Variants in CAPSL observed in about 807,000 individuals in gnomAD.
CAPSL encodes calcyphosin-like protein.
A neutral mutation model predicts 21.3 loss-of-function variants in CAPSL; 17 were observed. That is an observed-to-expected ratio of 0.80 (90% CI 0.55 to 1.20). The LOEUF (loss-of-function observed/expected upper bound fraction) is 1.20, where lower values mean the gene tolerates loss of function less well. Ranked by LOEUF, CAPSL falls within the 50% of genes most tolerant of loss-of-function variation. The pLI is 0.00. For missense variants in CAPSL, 289 were observed against 259.3 expected, an observed-to-expected ratio of 1.11 and a Z score of -0.79; for synonymous variants, 102 against 89.3, an observed-to-expected ratio of 1.14 and a Z score of -0.80.
chr5:35,916,283 A>T (rs1738383052), intron 2 of CAPSL, among the ~76,000 whole-genome samples: 1 of 152,092 alleles, frequency 6.6e-6, no homozygotes, highest in South Asian at 2.1e-4. Context: ...AAATGGCCAT[A>T]CTGCCCAAGG....
At chr5:35,909,754 A>G (rs541317587) in intron 4 of CAPSL, 112 bp downstream of exon 4, 1 of 918,042 alleles carries the variant, frequency 1.1e-6, no homozygotes, top group South Asian at 1.7e-5. Flanking sequence ...GTTTACTTCT[A>G]TTTACAACAA....
intron 1 of CAPSL, among the ~76,000 whole-genome samples, chr5:35,932,453 T>C (rs989598250): frequency 2.0e-5 from 3 of 152,166 alleles, no homozygotes; most frequent in African/African-American, 7.2e-5. Flanking sequence ...AAGGATGCTC[T>C]TCCCAGCGAA....
chr5:35,908,109 T>G (rs1738077387), intron 4 of CAPSL, among the ~76,000 whole-genome samples: 1 of 152,230 alleles, frequency 6.6e-6, no homozygotes. Context: ...GTGTATATTA[T>G]ATTTAGTAAT....
Position 35,936,477 on chromosome 5 carries a change from C to T in CAPSL, c.-1+2064G>A, listed in dbSNP as rs534607202. On this transcript the variant is annotated intron_variant, in intron 1 of 4. Transcript: ENST00000651391. ...ACTTTCTCATGCCCCATTCATACTTCGGTCCATTTCAATATGGTCTTCACC... is the reference window on the plus strand; with the variant it reads ...ACTTTCTCATGCCCCATTCATACTTTGGTCCATTTCAATATGGTCTTCACC... Among the ~76,000 whole-genome samples, 88 of 152,314 alleles carry T rather than the reference C, an allele frequency of 5.8e-4. 1 individual carries two copies. The highest frequency in any genetic ancestry group is 3.4e-3 in the Middle Eastern group (1 of 294).
intron 1 of CAPSL, 28 bp from the exon 2 acceptor site, chr5:35,921,148 A>G: frequency 6.2e-7 from 1 of 1,611,912 alleles, no homozygotes; most frequent in East Asian, 2.2e-5. Flanking sequence ...CATGTTAGCA[A>G]AGTCCAGGCC....
At chr5:35,904,699 A>G (rs1760637767) in intron 4 of CAPSL, 53 bp from the exon 5 acceptor site, 5 of 1,607,204 alleles carry the variant, frequency 3.1e-6, no homozygotes, top group East Asian at 2.2e-5. Flanking sequence ...CACTCTGTCA[A>G]TGGGCGCCCA....
intron 1 of CAPSL, among the ~76,000 whole-genome samples, chr5:35,938,143 C>T (rs748164787): frequency 9.9e-5 from 15 of 152,178 alleles, no homozygotes; most frequent in Non-Finnish European, 1.8e-4. Context: ...TGTTTTATTG[C>T]TTTGTGACTT....
At chr5:35,909,726 A>T in intron 4 of CAPSL, 140 bp downstream of exon 4, 1 of 741,942 alleles carries the variant, frequency 1.3e-6, no homozygotes, top group Non-Finnish European at 2.2e-6. Context: ...AAGTTTCTAG[A>T]TTGTTCCTAG....
intron 1 of CAPSL, among the ~76,000 whole-genome samples, chr5:35,936,254 C>T (rs1380199655): frequency 6.6e-6 from 1 of 152,002 alleles, no homozygotes; most frequent in African/African-American, 2.4e-5. Context: ...TGAACTTCCT[C>T]CCATCTAAGG....
At chr5:35,922,733 CT>C (rs989098417) in intron 1 of CAPSL, among the ~76,000 whole-genome samples, 51 of 152,314 alleles carry the variant, frequency 3.3e-4, no homozygotes, top group African/African-American at 1.1e-3. Flanking sequence ...TTCCTGGCAG[CT>C]TTAGCTTTCT....
intron 2 of CAPSL, among the ~76,000 whole-genome samples, chr5:35,911,758 C>T (rs1738229011): frequency 6.6e-6 from 1 of 152,182 alleles, no homozygotes; most frequent in Admixed American, 6.5e-5. Context: ...AGCAAGATGG[C>T]CAAATAGGAA....
chr5:35,905,259 T>C (rs1760649921), intron 4 of CAPSL, among the ~76,000 whole-genome samples: 1 of 152,216 alleles, frequency 6.6e-6, no homozygotes, highest in South Asian at 2.1e-4. Flanking sequence ...TTGACTAATG[T>C]GTTTATCTGT....
At chr5:35,905,393 G>A (rs1470581395) in intron 4 of CAPSL, among the ~76,000 whole-genome samples, 3 of 152,116 alleles carry the variant, frequency 2.0e-5, no homozygotes, top group African/African-American at 7.2e-5. Flanking sequence ...ATCGGTTGGG[G>A]ACATACCTAT....
At chr5:35,920,651 G>A (rs149087272) in intron 2 of CAPSL, among the ~76,000 whole-genome samples, 3 of 152,222 alleles carry the variant, frequency 2.0e-5, no homozygotes, top group East Asian at 3.9e-4. Flanking sequence ...TTCCACCCTG[G>A]CCTTTATTAT....
chr5:35,925,289 G>A (rs757455223), intron 1 of CAPSL, among the ~76,000 whole-genome samples: 5 of 152,236 alleles, frequency 3.3e-5, no homozygotes, highest in Non-Finnish European at 5.9e-5. Context: ...TGGCCTGGGA[G>A]TGGGGCTTTC....
chr5:35,904,431 C>T lies in CAPSL; in HGVS notation c.*114G>A. On this transcript the variant is annotated 3_prime_UTR_variant, in exon 5 of 5. Coordinates refer to ENST00000651391, the MANE Select transcript of CAPSL (RefSeq NM_001042625.2). Reference sequence around the variant, plus strand: ...CCCCAGAAAATGCAATATTTTGACACAGAAAAAAACATTAGGATGAGTGTG... The same window carrying T: ...CCCCAGAAAATGCAATATTTTGACATAGAAAAAAACATTAGGATGAGTGTG... The T allele has an allele frequency of 1.2e-6, 1 of 800,572 alleles. No individual in the cohort carries two copies. Among genetic ancestry groups the T allele is most frequent in the East Asian group, 2.6e-5 (1 of 38,594 alleles). 49.6% of individuals were successfully genotyped at this position (800,572 alleles called of 1,614,324 possible). A position where few individuals can be genotyped will look rare whatever the true frequency, so the allele number is the denominator to read the frequency against.
intron 1 of CAPSL, among the ~76,000 whole-genome samples, chr5:35,924,688 G>C (rs1325023106): frequency 6.6e-6 from 1 of 152,142 alleles, no homozygotes; most frequent in African/African-American, 2.4e-5. Flanking sequence ...CTCTTTTCGA[G>C]GCACTATGCT....
chr5:35,914,972 TAAA>T (rs1203479779), intron 2 of CAPSL, among the ~76,000 whole-genome samples: 1 of 151,456 alleles, frequency 6.6e-6, no homozygotes, highest in Admixed American at 6.6e-5. Context: ...GCAAGACTAA[TAAA>T]GAAGAAAAGA....
chr5:35,938,029 T>C (rs1435188040), intron 1 of CAPSL, among the ~76,000 whole-genome samples: 2 of 152,232 alleles, frequency 1.3e-5, no homozygotes, highest in African/African-American at 4.8e-5. Context: ...ATGTACACTT[T>C]AATAAGCATC....
Sources: allele counts gnomAD v4.1 joint callset (sites outside exome capture counted in the v4.1 genomes callset), GRCh38; gene constraint gnomAD v4.1.1; transcripts MANE v1.5; gene names NCBI Gene and HGNC (gene_info 2026-07-23, HGNC 2026-07-21).